TAS2R1: variants seen among roughly 807,000 people sequenced by gnomAD.
TAS2R1 encodes the protein taste 2 receptor member 1.
For synonymous variants in TAS2R1, 141 were observed against 134.2 expected (o/e 1.05, Z -0.35); for missense variants, 370 against 353.4 (o/e 1.05, Z -0.38).
the TAS2R1 span, among the ~76,000 whole-genome samples, chr5:9,793,980 T>C: frequency 6.6e-6 from 1 of 152,144 alleles, no homozygotes; most frequent in Non-Finnish European, 1.5e-5. Context: ...ACTTCAGAAA[T>C]AATGAAGCAA....
the TAS2R1 span, among the ~76,000 whole-genome samples, chr5:9,836,295 AGT>A: frequency 1.3e-5 from 2 of 152,074 alleles, no homozygotes; most frequent in African/African-American, 4.8e-5. Flanking sequence ...GGACTAATAA[AGT>A]GTGTTATTTG....
At chr5:9,818,742 C>A in the TAS2R1 span, among the ~76,000 whole-genome samples, 1 of 152,334 alleles carries the variant, frequency 6.6e-6, no homozygotes, top group South Asian at 2.1e-4. Flanking sequence ...GCAAGTCCAT[C>A]CTGGACCCAA....
chr5:9,851,284 T>C, the TAS2R1 span, among the ~76,000 whole-genome samples: 1 of 152,226 alleles, frequency 6.6e-6, no homozygotes, highest in East Asian at 1.9e-4. Context: ...TCAGGTTGTC[T>C]TCATTGTCTG....
chr5:9,705,379 T>A (rs1483235772), intron 1 of TAS2R1, among the ~76,000 whole-genome samples: 1 of 152,126 alleles, frequency 6.6e-6, no homozygotes, highest in Non-Finnish European at 1.5e-5. Flanking sequence ...GCTTTCCTAA[T>A]AACTAAGCTA....
At chr5:9,795,653 C>T in the TAS2R1 span, among the ~76,000 whole-genome samples, 27 of 152,288 alleles carry the variant, frequency 1.8e-4, no homozygotes, top group East Asian at 1.9e-4. Flanking sequence ...CAATTTCCTT[C>T]GGCACAGGCT....
the TAS2R1 span, among the ~76,000 whole-genome samples, chr5:9,901,707 C>T: frequency 2.0e-4 from 30 of 152,198 alleles, no homozygotes; most frequent in Non-Finnish European, 1.0e-4. Flanking sequence ...ATTTCAACTG[C>T]GCAAGCATGA....
At chr5:9,902,130 C>G in the TAS2R1 span, among the ~76,000 whole-genome samples, 2 of 152,048 alleles carry the variant, frequency 1.3e-5, no homozygotes, top group Admixed American at 6.6e-5. Context: ...AGCTGTATAG[C>G]TCTTAAACAT....
At chr5:9,753,102 T>A in the TAS2R1 span, among the ~76,000 whole-genome samples, 12 of 152,328 alleles carry the variant, frequency 7.9e-5, no homozygotes, top group Admixed American at 5.9e-4. Context: ...TTTCTAGTTC[T>A]AGATCCCTGA....
intron 2 of TAS2R1, among the ~76,000 whole-genome samples, chr5:9,656,411 G>A (rs146347613): frequency 8.5e-5 from 13 of 152,276 alleles, no homozygotes; most frequent in South Asian, 2.1e-4. Context: ...ACATGATTAC[G>A]TCCAAGATCT....
chr5:9,631,985 G>A (rs1739880381), upstream of TAS2R1, among the ~76,000 whole-genome samples: 1 of 152,174 alleles, frequency 6.6e-6, no homozygotes, highest in Non-Finnish European at 1.5e-5. Flanking sequence ...AGGAGGATGA[G>A]CCTTGTTTTC....
chr5:9,741,161 T>G, the TAS2R1 span, among the ~76,000 whole-genome samples: 3 of 152,206 alleles, frequency 2.0e-5, no homozygotes, highest in Non-Finnish European at 4.4e-5. Context: ...AAATCATTGC[T>G]TACGTGAAGT....
At chr5:9,793,854 G>T in the TAS2R1 span, among the ~76,000 whole-genome samples, 3 of 152,148 alleles carry the variant, frequency 2.0e-5, no homozygotes, top group Non-Finnish European at 4.4e-5. Context: ...ATCATTCTGG[G>T]TGTGGTACCC....
the TAS2R1 span, among the ~76,000 whole-genome samples, chr5:9,769,266 C>A: frequency 6.6e-6 from 1 of 152,062 alleles, no homozygotes; most frequent in Non-Finnish European, 1.5e-5. Flanking sequence ...TTTTTTATGG[C>A]TGAATAGTAC....
rs553084487 is a variant in TAS2R1, at chr5:9,681,440, C to T, written c.-241-21859G>A. Among the ~76,000 whole-genome samples, 8 of 149,416 alleles carry T rather than the reference C, an allele frequency of 5.4e-5. No individual in the cohort carries two copies. In the South Asian group the frequency reaches 1.7e-3, roughly 32 times the overall value. On this transcript the variant is annotated intron_variant, in intron 1 of 2. Transcript: ENST00000506620. ...TATTACTTGCCAGGTAAAATTGAAA[C>T]TTCATCCTTAGTACTGAGTACCATC...
the TAS2R1 span, among the ~76,000 whole-genome samples, chr5:9,773,725 C>T: frequency 2.3e-4 from 35 of 152,270 alleles, no homozygotes; most frequent in South Asian, 4.6e-3. Context: ...TCCTTCAGCA[C>T]TTTAAATATG....
At chr5:9,896,776 C>T in the TAS2R1 span, among the ~76,000 whole-genome samples, 1 of 152,154 alleles carries the variant, frequency 6.6e-6, no homozygotes, top group Non-Finnish European at 1.5e-5. Flanking sequence ...TCATTTGCCA[C>T]ACTAGTTAAT....
the TAS2R1 span, among the ~76,000 whole-genome samples, chr5:9,797,800 A>T: frequency 6.6e-6 from 1 of 152,340 alleles, no homozygotes; most frequent in African/African-American, 2.4e-5. Context: ...TTCTACAATT[A>T]TAAAAAAAAA....
At chr5:9,771,382 G>T in the TAS2R1 span, among the ~76,000 whole-genome samples, 1 of 152,090 alleles carries the variant, frequency 6.6e-6, no homozygotes, top group East Asian at 1.9e-4. Context: ...TGATTATGAT[G>T]AATTATCTTG....
chr5:9,875,091 G>T, the TAS2R1 span, among the ~76,000 whole-genome samples: 2 of 152,098 alleles, frequency 1.3e-5, no homozygotes, highest in African/African-American at 4.8e-5. Flanking sequence ...TGTGCAACAG[G>T]GTACTGACAG....
Sources: allele counts gnomAD v4.1 joint callset (sites outside exome capture counted in the v4.1 genomes callset), GRCh38; gene constraint gnomAD v4.1.1; transcripts MANE v1.5; gene names NCBI Gene and HGNC (gene_info 2026-07-23, HGNC 2026-07-21).